The following SOX6 variants were observed in gnomAD, a reference collection of about 807,000 sequenced individuals.
SOX6 encodes SRY-box transcription factor 6, also known as transcription factor SOX-6.
A neutral mutation model predicts 97.8 loss-of-function variants in SOX6; 11 were observed. The ratio of observed to expected loss-of-function variants is 0.11; its 90% CI spans 0.07 to 0.19. The LOEUF is 0.19. SOX6 is among the 10% of genes least tolerant of loss of function. The probability of loss-of-function intolerance (pLI) is 1.00; values close to 1 mark genes in which losing one functional copy is unlikely to be tolerated. For missense variants in SOX6, 810 were observed against 1,039.5 expected (o/e 0.78, Z 3.04); for synonymous variants, 360 against 371.4 (o/e 0.97, Z 0.35).
chr11:16,484,927 C>T (rs1860403541), intron 4 of SOX6, among the ~76,000 whole-genome samples: 1 of 152,114 alleles, frequency 6.6e-6, no homozygotes, highest in Non-Finnish European at 1.5e-5. Context: ...CCTCCTAAAC[C>T]AAAATCTCCT....
intron 6 of SOX6, among the ~76,000 whole-genome samples, chr11:16,116,504 A>G (rs1261913038): frequency 6.6e-6 from 1 of 152,226 alleles, no homozygotes; most frequent in Non-Finnish European, 1.5e-5. Flanking sequence ...GAATATGATT[A>G]TTGGTGATAA....
intron 4 of SOX6, among the ~76,000 whole-genome samples, chr11:16,221,183 G>A (rs1852527156): frequency 6.6e-6 from 1 of 151,970 alleles, no homozygotes; most frequent in Admixed American, 6.6e-5. Context: ...ATGTTACAGT[G>A]ATGACATTTG....
At chr11:16,703,098 T>C (rs899475198) in intron 3 of SOX6, among the ~76,000 whole-genome samples, 3 of 151,862 alleles carry the variant, frequency 2.0e-5, no homozygotes, top group Admixed American at 6.6e-5. Flanking sequence ...GTATCTTATA[T>C]GTTTGTACTT....
At chr11:16,401,580 G>A (rs1219683245) in intron 1 of SOX6, among the ~76,000 whole-genome samples, 1 of 151,330 alleles carries the variant, frequency 6.6e-6, no homozygotes, top group Non-Finnish European at 1.5e-5. Context: ...TAGTCAAGTT[G>A]TCTTGGGCAA....
chr11:16,321,911 T>C (rs1855940023), intron 2 of SOX6, among the ~76,000 whole-genome samples: 1 of 152,132 alleles, frequency 6.6e-6, no homozygotes, highest in Non-Finnish European at 1.5e-5. Flanking sequence ...TAACCTTTCA[T>C]AAGTGGAAGT....
At chr11:15,995,843 G>T (rs1276664940) in intron 13 of SOX6, among the ~76,000 whole-genome samples, 3 of 152,028 alleles carry the variant, frequency 2.0e-5, no homozygotes, top group Non-Finnish European at 4.4e-5. Flanking sequence ...TGCTATAAAA[G>T]GAAATAAATT....
chr11:16,149,061 G>T lies in SOX6; in HGVS notation c.777+34825C>A, dbSNP rs181721603. Among the ~76,000 whole-genome samples, 53 of 152,190 alleles carry T rather than the reference G, an allele frequency of 3.5e-4. No homozygotes were observed. In the East Asian group the frequency reaches 9.3e-3, roughly 27 times the overall value. ...AGTTTGTCAGCTCCCTCTCAAAAAT[G>T]CCCCTTCTCAAAGTTAACTACCACG... On this transcript the variant is annotated intron_variant, in intron 6 of 15. Transcript: ENST00000683767.
chr11:16,159,110 A>G (rs1850676200), intron 6 of SOX6, among the ~76,000 whole-genome samples: 1 of 152,086 alleles, frequency 6.6e-6, no homozygotes, highest in Admixed American at 6.6e-5. Context: ...CTACAGAAAT[A>G]AACACTTTTA....
Position 16,132,485 on chromosome 11 carries a change from A to C in SOX6, c.778-20562T>G, listed in dbSNP as rs192002798. Among the ~76,000 whole-genome samples, 1,308 of 139,044 alleles carry C rather than the reference A, an allele frequency of 9.4e-3. 110 individuals are homozygous for C. The highest frequency in any genetic ancestry group is 0.031 in the African/African-American group (1,076 of 35,210). The allele number at this position is 139,044 out of a possible 152,430, so 91.2% of individuals were successfully genotyped here. ...GAAAGAAAGAAAGAAAGAAAGAAAG[A>C]AAGAAAGAAAGAAAGAAAGAAAGCT... On this transcript the variant is annotated intron_variant, in intron 6 of 15. Coordinates refer to ENST00000683767, the MANE Select transcript of SOX6 (RefSeq NM_001367873.1).
intron 4 of SOX6, among the ~76,000 whole-genome samples, chr11:16,483,594 G>C (rs1860382188): frequency 6.6e-6 from 1 of 152,130 alleles, no homozygotes; most frequent in Non-Finnish European, 1.5e-5. Flanking sequence ...CCAACATCAA[G>C]CTGGACACAC....
chr11:16,701,587 G>T (rs1470266279), intron 3 of SOX6, among the ~76,000 whole-genome samples: 1 of 152,022 alleles, frequency 6.6e-6, no homozygotes, highest in Non-Finnish European at 1.5e-5. Context: ...AAAAGGATAT[G>T]CAACTCACGC....
chr11:15,985,127 T>C (rs1297890812), intron 15 of SOX6, among the ~76,000 whole-genome samples: 1 of 152,190 alleles, frequency 6.6e-6, no homozygotes, highest in East Asian at 1.9e-4. Flanking sequence ...CTACGTTCAT[T>C]GGCTTTGTTT....
chr11:16,017,642 G>A (rs1376346450), intron 12 of SOX6, among the ~76,000 whole-genome samples: 1 of 152,058 alleles, frequency 6.6e-6, no homozygotes, highest in Non-Finnish European at 1.5e-5. Flanking sequence ...TTACCAGTGA[G>A]GTTGAACATG....
intron 1 of SOX6, among the ~76,000 whole-genome samples, chr11:16,350,863 T>C (rs769002833): frequency 2.6e-5 from 4 of 152,084 alleles, no homozygotes; most frequent in South Asian, 2.1e-4. Flanking sequence ...CAACACATCG[T>C]AGACAATCAA....
At chr11:16,376,413 G>A (rs1380395669) in intron 1 of SOX6, among the ~76,000 whole-genome samples, 2 of 152,090 alleles carry the variant, frequency 1.3e-5, no homozygotes, top group African/African-American at 4.8e-5. Flanking sequence ...CCAAAGGAAA[G>A]TGATCCTAGA....
intron 3 of SOX6, among the ~76,000 whole-genome samples, chr11:16,709,410 T>A (rs931863397): frequency 6.6e-6 from 1 of 152,052 alleles, no homozygotes; most frequent in African/African-American, 2.4e-5. Flanking sequence ...CCCAGCTACT[T>A]GGGACGCTGA....
intron 4 of SOX6, among the ~76,000 whole-genome samples, chr11:16,213,915 T>C (rs1193075231): frequency 6.6e-6 from 1 of 152,194 alleles, no homozygotes; most frequent in Non-Finnish European, 1.5e-5. Flanking sequence ...CATAGAAACG[T>C]CTTGTTATAT....
At chr11:16,670,076 C>T (rs1847836522) in intron 3 of SOX6, among the ~76,000 whole-genome samples, 1 of 152,116 alleles carries the variant, frequency 6.6e-6, no homozygotes, top group African/African-American at 2.4e-5. Context: ...AGGCAAGGCC[C>T]CCAACTCATG....
At chr11:16,308,506 T>C (rs1292496575) in intron 3 of SOX6, among the ~76,000 whole-genome samples, 1 of 152,148 alleles carries the variant, frequency 6.6e-6, no homozygotes, top group East Asian at 1.9e-4. Flanking sequence ...CAAGCCAATA[T>C]CTGTAAGGAT....
Sources: allele counts gnomAD v4.1 joint callset (sites outside exome capture counted in the v4.1 genomes callset), GRCh38; gene constraint gnomAD v4.1.1; transcripts MANE v1.5; gene names NCBI Gene and HGNC (gene_info 2026-07-23, HGNC 2026-07-21).